The following ELOVL3 variants were observed in gnomAD, a reference collection of about 807,000 sequenced individuals.
The protein encoded by ELOVL3 is ELOVL fatty acid elongase 3, also known as very long chain fatty acid elongase 3.
In ELOVL3, 11 loss-of-function variants were observed where a neutral mutation model predicts 14.9. That is an observed-to-expected ratio of 0.74 (90% CI 0.46 to 1.22). The LOEUF (loss-of-function observed/expected upper bound fraction) is 1.22. Among genes scored for constraint, ELOVL3 ranks in the 50% most tolerant of loss-of-function variants. ELOVL3 has a pLI of 0.00. For synonymous variants in ELOVL3, 117 were observed against 124.7 expected (o/e 0.94, Z 0.41); for missense variants, 277 against 338.9 (o/e 0.82, Z 1.43).
rs1401132554 is a variant in ELOVL3, at chr10:102,229,173, C to T, written c.734C>T (p.Thr245Ile). 3 of 1,613,930 alleles carry T rather than the reference C, an allele frequency of 1.9e-6. No individual in the cohort carries two copies. Among genetic ancestry groups the T allele is most frequent in the Admixed American group, 1.7e-5 (1 of 60,002 alleles). Reference sequence around the variant, plus strand: ...TTCTGGTCCTTCATCTTGTATATGACCTATTTCATCCTCTTTGCCCACTTC... The same window carrying T: ...TTCTGGTCCTTCATCTTGTATATGATCTATTTCATCCTCTTTGCCCACTTC... ...HLFWSFILYM[T>I]YFILFAHFFC... Residue 245 changes from threonine to isoleucine, a missense_variant, in exon 4 of 4, where the codon ACC becomes ATC. Coordinates refer to ENST00000370005, the MANE Select transcript of ELOVL3 (RefSeq NM_152310.3).
upstream of ELOVL3, among the ~76,000 whole-genome samples, chr10:102,225,338 G>A (rs2133789194): frequency 6.6e-6 from 1 of 152,228 alleles, no homozygotes; most frequent in East Asian, 1.9e-4. Context: ...GGATCCTCTG[G>A]CTCTAGAGCT....
chr10:102,225,935 C>A (rs1779175324), upstream of ELOVL3, among the ~76,000 whole-genome samples: 3 of 151,956 alleles, frequency 2.0e-5, no homozygotes, highest in Admixed American at 2.0e-4. Flanking sequence ...TCATCACAGG[C>A]CTGGGTTTCC....
At chr10:102,228,749 C>T in intron 3 of ELOVL3, 76 bp from the exon 4 acceptor site, 2 of 1,485,354 alleles carry the variant, frequency 1.3e-6, no homozygotes, top group Non-Finnish European at 1.8e-6. Flanking sequence ...GAGAATTTCT[C>T]CCGTGTCCCT....
At chr10:102,226,789 C>T (rs1335857916) in intron 1 of ELOVL3, 140 bp downstream of exon 1, 2 of 610,768 alleles carry the variant, frequency 3.3e-6, no homozygotes, top group Non-Finnish European at 5.8e-6. Context: ...TACCTTTGTC[C>T]GAGGTGCAGG....
rs1444342289 is a variant in ELOVL3 at position 102,229,359 on chromosome 10, C to T, written c.*107C>T. On this transcript the variant is annotated 3_prime_UTR_variant, in exon 4 of 4. Coordinates refer to ENST00000370005, the MANE Select transcript of ELOVL3 (RefSeq NM_152310.3). ...TAGGTTGCCTTACCTGCATGGTTTC[C>T]CCAGAGGATGTGTGCCCCAAGGTGG... The T allele has an allele frequency of 6.2e-6, 7 of 1,131,996 alleles. No individual in the cohort carries two copies. The highest frequency in any genetic ancestry group is 8.6e-6 in the Non-Finnish European group (7 of 813,614). The allele number at this position is 1,131,996 out of a possible 1,614,324, so 70.1% of individuals were successfully genotyped here.
chr10:102,227,803 A>G lies in ELOVL3; in HGVS notation c.233+46A>G, dbSNP rs117979772. ...CTGCCTCTTCTCTAGATCTTAGACC[A>G]CCATTCTATCCCTTGAAGCTTTCCC... On this transcript the variant is annotated intron_variant, in intron 2 of 3. Coordinates refer to ENST00000370005, the MANE Select transcript of ELOVL3 (RefSeq NM_152310.3). 5,254 of 1,603,852 alleles carry G rather than the reference A, an allele frequency of 3.3e-3. 15 individuals are homozygous for G. Among genetic ancestry groups the G allele is most frequent in the South Asian group, 4.1e-3 (372 of 89,820 alleles).
intron 2 of ELOVL3, among the ~76,000 whole-genome samples, chr10:102,227,970 G>C (rs999118473): frequency 3.3e-5 from 5 of 151,982 alleles, no homozygotes; most frequent in Non-Finnish European, 5.9e-5. Flanking sequence ...CCTACCTGGT[G>C]GTCTCTGCTT....
chr10:102,228,854 C>T lies in ELOVL3; in HGVS notation c.415C>T (p.Arg139Trp), dbSNP rs199876592. 5.6e-6 allele frequency: 9 copies of T among 1,612,990 alleles called. No homozygotes were observed. Among genetic ancestry groups the T allele is most frequent in the African/African-American group, 4.0e-5 (3 of 74,898 alleles). Residue 139 changes from arginine to tryptophan, a missense_variant, in exon 4 of 4, where the codon CGG becomes TGG. Physicochemically the swap from Arg to Trp is moderately radical, Grantham distance 101. Transcript: ENST00000370005. The stretch of plus-strand genomic sequence containing the variant: ...CACAGCCTTCATCATCCTGCGTAAG[C>T]GGCCACTCATCTTTATTCACTGGTA... ...GDTAFIILRK[R>W]PLIFIHWYHH...
chr10:102,226,407 GTTCGACGCCCTCC>G lies in ELOVL3; in HGVS notation c.-140_-128del, dbSNP rs1465590243. The G allele has an allele frequency of 1.6e-6, 1 of 607,336 alleles. No individual in the cohort carries two copies. The highest frequency in any genetic ancestry group is 1.9e-5 in the African/African-American group (1 of 52,934). 37.6% of individuals were successfully genotyped at this position (607,336 alleles called of 1,614,324 possible). A position where few individuals can be genotyped will look rare whatever the true frequency, so the allele number is the denominator to read the frequency against. ...GCTGCGCCGCCGCGCACATGCCTAG[GTTCGACGCCCTCC>G]TCCCTTTGCCCAGGAGTTCCTTCTG... is the stretch of plus-strand genomic sequence containing the variant. On this transcript the variant is annotated 5_prime_UTR_variant, in exon 1 of 4. It removes the in-frame stop codon of an upstream open reading frame in the 5' UTR. Transcript: ENST00000370005.
intron 2 of ELOVL3, 44 bp from the exon 3 acceptor site, chr10:102,228,373 G>T (rs1454729614): frequency 1.3e-6 from 2 of 1,595,896 alleles, no homozygotes; most frequent in African/African-American, 1.3e-5. Flanking sequence ...GATTATTGGT[G>T]CCTGGGGATG....
At chr10:102,228,377 G>A (rs1304213192) in intron 2 of ELOVL3, 40 bp from the exon 3 acceptor site, 1 of 1,599,038 alleles carries the variant, frequency 6.3e-7, no homozygotes, top group Admixed American at 1.7e-5. Context: ...ATTGGTGCCT[G>A]GGGATGACAC....
At chr10:102,226,751 A>C (rs2070139529) in intron 1 of ELOVL3, 102 bp downstream of exon 1, 5 of 799,586 alleles carry the variant, frequency 6.3e-6, no homozygotes, top group Non-Finnish European at 1.1e-5. Flanking sequence ...GAGCAGAGTT[A>C]TGGGACTCCC....
At position 102,226,370 on chromosome 10, in the gene ELOVL3, C is replaced by G. The variant is rs975643352; in HGVS notation, c.-179C>G. 1.7e-6 allele frequency: 1 copy of G among 571,626 alleles called. No individual in the cohort carries two copies. The highest frequency in any genetic ancestry group is 1.9e-5 in the African/African-American group (1 of 52,336). The allele number at this position is 571,626 out of a possible 1,614,324, so 35.4% of individuals were successfully genotyped here. ...GCGTTATATATCGCAGTGGCTGCGC[C>G]CGGGATAGCTGGCTGCGCCGCCGCG... On this transcript the variant is annotated 5_prime_UTR_variant, in exon 1 of 4. Coordinates refer to ENST00000370005, the MANE Select transcript of ELOVL3 (RefSeq NM_152310.3).
Position 102,226,414 on chromosome 10 carries a change from G to A in ELOVL3, c.-135G>A. 1 of 614,728 alleles carries A rather than the reference G, an allele frequency of 1.6e-6. No individual in the cohort carries two copies. The highest frequency in any genetic ancestry group is 3.0e-5 in the East Asian group (1 of 33,504). The allele number at this position is 614,728 out of a possible 1,614,324, so 38.1% of individuals were successfully genotyped here. ...CGCCGCGCACATGCCTAGGTTCGAC[G>A]CCCTCCTCCCTTTGCCCAGGAGTTC... On this transcript the variant is annotated 5_prime_UTR_variant, in exon 1 of 4. Transcript: ENST00000370005.
chr10:102,226,438 TC>T lies in ELOVL3; in HGVS notation c.-109del. ...CGCCCTCCTCCCTTTGCCCAGGAGTTCCTTCTGTCCCGGCTCTGTTCCGTCT... is the reference window on the plus strand; with the variant it reads ...CGCCCTCCTCCCTTTGCCCAGGAGTTCTTCTGTCCCGGCTCTGTTCCGTCT... On this transcript the variant is annotated 5_prime_UTR_variant, in exon 1 of 4. It removes the in-frame stop codon of an upstream open reading frame in the 5' UTR. Transcript: ENST00000370005. 1 of 706,488 alleles carries T rather than the reference TC, an allele frequency of 1.4e-6. No homozygotes were observed. Among genetic ancestry groups the T allele is most frequent in the Non-Finnish European group, 2.4e-6 (1 of 415,244 alleles). The allele number at this position is 706,488 out of a possible 1,614,324, so 43.8% of individuals were successfully genotyped here.
intron 3 of ELOVL3, 27 bp from the exon 4 acceptor site, chr10:102,228,798 T>C: frequency 6.3e-7 from 1 of 1,586,668 alleles, no homozygotes; most frequent in Non-Finnish European, 8.6e-7. Context: ...CTGGGTGGTA[T>C]GCCAACTATG....
rs1341555696 is a variant in ELOVL3 at position 102,228,500 on chromosome 10, A to T, written c.317A>T (p.Asn106Ile). The stretch of plus-strand genomic sequence containing the variant: ...CTAAAGCAAACCGTGTGCTTCATCA[A>T]CTTCATCGATAATTCCACAGTCAAA... ...GGLKQTVCFI[N>I]FIDNSTVKFW... is the part of the protein sequence containing the mutation. Residue 106 changes from asparagine (N) to isoleucine (I), a missense_variant, in exon 3 of 4, where the codon AAC (asparagine) becomes ATC (isoleucine). Asn to Ile is a moderately radical substitution (Grantham distance 149). Coordinates refer to ENST00000370005, the MANE Select transcript of ELOVL3 (RefSeq NM_152310.3). The T allele has an allele frequency of 1.2e-6, 2 of 1,614,090 alleles. No individual in the cohort carries two copies. Among genetic ancestry groups the T allele is most frequent in the East Asian group, 4.5e-5 (2 of 44,886 alleles).
At chr10:102,228,762 A>C in intron 3 of ELOVL3, 63 bp from the exon 4 acceptor site, 3 of 1,520,126 alleles carry the variant, frequency 2.0e-6, no homozygotes, top group Non-Finnish European at 1.8e-6. Flanking sequence ...GTGTCCCTAC[A>C]TCCAGTGCAG....
At chr10:102,228,673 C>T in intron 3 of ELOVL3, 105 bp downstream of exon 3, 4 of 1,449,832 alleles carry the variant, frequency 2.8e-6, no homozygotes, top group Admixed American at 3.7e-5. Flanking sequence ...CCCTTGGGTC[C>T]CAATAATACC....
Sources: allele counts gnomAD v4.1 joint callset (sites outside exome capture counted in the v4.1 genomes callset), GRCh38; gene constraint gnomAD v4.1.1; transcripts MANE v1.5; gene names NCBI Gene and HGNC (gene_info 2026-07-23, HGNC 2026-07-21).